MGAT5: variants seen among roughly 807,000 people sequenced by gnomAD.
MGAT5 encodes the protein alpha-1,6-mannosylglycoprotein 6-beta-N-acetylglucosaminyltransferase, also known as alpha-1,6-mannosylglycoprotein 6-beta-N-acetylglucosaminyltransferase A.
MGAT5 carries 30 observed loss-of-function variants against 94.3 expected under a neutral mutation model. The ratio of observed to expected loss-of-function variants is 0.32; its 90% confidence interval spans 0.24 to 0.43. MGAT5 has a LOEUF of 0.43. Ranked by LOEUF, MGAT5 falls within the 20% of genes least tolerant of loss-of-function variation. The probability of loss-of-function intolerance (pLI) is 1.00; values close to 1 mark genes in which losing one functional copy is unlikely to be tolerated. For missense variants in MGAT5, 691 were observed against 905.5 expected, an observed-to-expected ratio of 0.76 and a Z score of 3.04; for synonymous variants, 310 against 322.9, an observed-to-expected ratio of 0.96 and a Z score of 0.43.
chr2:134,129,724 A>G (rs1316976704), intron 1 of MGAT5, among the ~76,000 whole-genome samples: 1 of 149,974 alleles, frequency 6.7e-6, no homozygotes, highest in African/African-American at 2.5e-5. Context: ...TGAGCTGAGT[A>G]CTTTTTTTAC....
At chr2:134,139,879 G>A (rs1034816569) in intron 1 of MGAT5, among the ~76,000 whole-genome samples, 4 of 152,212 alleles carry the variant, frequency 2.6e-5, no homozygotes, top group Non-Finnish European at 5.9e-5. Context: ...TGCTGGTTAT[G>A]CACTTGCTGG....
intron 1 of MGAT5, among the ~76,000 whole-genome samples, chr2:134,237,991 C>A (rs979302579): frequency 6.6e-6 from 1 of 152,052 alleles, no homozygotes; most frequent in East Asian, 1.9e-4. Flanking sequence ...CCTTGTGATC[C>A]GCCCACCTTG....
rs1279507867 is a variant in MGAT5, at chr2:134,268,947, T to C, written c.242-1439T>C. The stretch of plus-strand genomic sequence containing the variant: ...TTCTACCCAGGTTCTTGACTTCTGA[T>C]TGGTCCCATTGAGATGTCAGGGAAT... On this transcript the variant is annotated intron_variant, in intron 1 of 15. Coordinates refer to ENST00000281923, the MANE Select transcript of MGAT5 (RefSeq NM_002410.5). The surrounding 1 kb of genome is among the most constrained non-coding windows in gnomAD (Gnocchi z 4.1). 6.6e-6 allele frequency among the ~76,000 whole-genome samples: 1 copy of C among 152,204 alleles called. No individual in the cohort carries two copies. Among genetic ancestry groups the C allele is most frequent in the Non-Finnish European group, 1.5e-5 (1 of 68,048 alleles).
At chr2:134,351,755 T>G (rs1305495445) in intron 9 of MGAT5, among the ~76,000 whole-genome samples, 1 of 152,104 alleles carries the variant, frequency 6.6e-6, no homozygotes, top group Non-Finnish European at 1.5e-5. Flanking sequence ...AGAACCTGTA[T>G]GGCAAAACAA....
At chr2:134,197,919 C>T (rs1167329806) in intron 1 of MGAT5, among the ~76,000 whole-genome samples, 1 of 152,056 alleles carries the variant, frequency 6.6e-6, no homozygotes, top group African/African-American at 2.4e-5. Flanking sequence ...TTTTTCTACT[C>T]CTGTTCCACT....
intron 10 of MGAT5, among the ~76,000 whole-genome samples, chr2:134,375,416 T>C (rs953459466): frequency 1.3e-5 from 2 of 152,240 alleles, no homozygotes; most frequent in Non-Finnish European, 2.9e-5. Context: ...AAAGGTTCTG[T>C]ACGGTTCTGT....
intron 13 of MGAT5, among the ~76,000 whole-genome samples, chr2:134,428,089 T>C (rs1684685338): frequency 6.6e-6 from 1 of 152,274 alleles, no homozygotes; most frequent in Admixed American, 6.5e-5. Context: ...AAGCACCTTT[T>C]TTCTCCCAGA....
At chr2:134,318,608 G>A in intron 3 of MGAT5, 42 bp from the exon 4 acceptor site, 1 of 1,413,710 alleles carries the variant, frequency 7.1e-7, no homozygotes, top group Non-Finnish European at 1.0e-6. Context: ...AGATGTGGAG[G>A]GCCTGTGAAT....
chr2:134,448,803 G>C lies in MGAT5; in HGVS notation c.2182G>C (p.Asp728His), dbSNP rs751839499. ...PRHQRVCPCR[D>H]FIKGQVALCK... is the part of the protein sequence containing the mutation. ...GCACCAGAGGGTCTGCCCCTGCCGG[G>C]ACTTCATCAAGGGCCAGGTGGCTCT... The change falls in exon 16 of 16, where the codon GAC becomes CAC. Residue 728 changes from aspartate (D) to histidine (H), a missense_variant. Physicochemically the swap from Asp to His is moderately conservative, Grantham distance 81 (BLOSUM62 -1). This residue lies in a region of MGAT5 where 260 missense variants were observed against 347.0 expected (regional missense o/e 0.75). Transcript: ENST00000281923. The C allele has an allele frequency of 2.1e-5, 34 of 1,613,938 alleles. No homozygotes were observed. The highest frequency in any genetic ancestry group is 2.7e-5 in the African/African-American group (2 of 74,932).
At chr2:134,364,500 C>CAAA (rs5834408) in intron 10 of MGAT5, among the ~76,000 whole-genome samples, 1 of 148,920 alleles carries the variant, frequency 6.7e-6, no homozygotes. Flanking sequence ...AACTCTGTCT[C>CAAA]AAAAAAAAAA....
At chr2:134,441,976 TAGTC>T (rs1271451781) in intron 15 of MGAT5, 61 bp downstream of exon 15, 14 of 1,574,478 alleles carry the variant, frequency 8.9e-6, no homozygotes, top group Non-Finnish European at 1.2e-5. Flanking sequence ...CCTTGTTGGG[TAGTC>T]AGGTGAGAGG....
chr2:134,431,091 G>C (rs143198761), intron 14 of MGAT5, among the ~76,000 whole-genome samples: 90 of 152,300 alleles, frequency 5.9e-4, no homozygotes, highest in African/African-American at 1.7e-3. Flanking sequence ...AGGCCTGGAG[G>C]GGGGAGAAAT....
chr2:134,406,710 C>A (rs1683360246), intron 11 of MGAT5, among the ~76,000 whole-genome samples: 1 of 151,514 alleles, frequency 6.6e-6, no homozygotes, highest in Non-Finnish European at 1.5e-5. Context: ...CATGGCAAAA[C>A]CCCATTTCTA....
chr2:134,422,921 T>C lies in MGAT5; in HGVS notation c.1794+2T>C. Reference sequence around the variant, plus strand: ...GTGAAAGCAATTTTAAATCAGAAGGTTGGTTCATTTTATTCCACTTTCCCT... The same window carrying C: ...GTGAAAGCAATTTTAAATCAGAAGGCTGGTTCATTTTATTCCACTTTCCCT... On this transcript the variant is annotated splice_donor_variant, in intron 13 of 15. Transcript: ENST00000281923. LOFTEE classifies it high-confidence loss of function. The C allele has an allele frequency of 6.2e-7, 1 of 1,604,526 alleles. No individual in the cohort carries two copies. Among genetic ancestry groups the C allele is most frequent in the Non-Finnish European group, 8.5e-7 (1 of 1,171,586 alleles).
At chr2:134,319,573 G>A (rs1225395933) in intron 4 of MGAT5, 1 of 178,804 alleles carries the variant, frequency 5.6e-6, no homozygotes, top group Non-Finnish European at 1.2e-5. Flanking sequence ...GGAGTGATGG[G>A]ACAATGGACA....
chr2:134,284,775 C>G (rs1684905323), intron 2 of MGAT5, among the ~76,000 whole-genome samples: 1 of 152,150 alleles, frequency 6.6e-6, no homozygotes, highest in African/African-American at 2.4e-5. Context: ...GGTTCAGATC[C>G]TGGCTGGTGC....
intron 2 of MGAT5, among the ~76,000 whole-genome samples, chr2:134,281,201 C>T (rs1455751723): frequency 1.3e-5 from 2 of 152,184 alleles, no homozygotes; most frequent in Non-Finnish European, 2.9e-5. Context: ...TATTGAGATC[C>T]TGGTCCAACA....
chr2:134,422,737 C>A, intron 12 of MGAT5, 66 bp from the exon 13 acceptor site: 1 of 1,163,072 alleles, frequency 8.6e-7, no homozygotes, highest in Non-Finnish European at 1.3e-6. Flanking sequence ...AAAAGCATAG[C>A]ACTCCATCTA....
intron 8 of MGAT5, among the ~76,000 whole-genome samples, chr2:134,346,199 C>T (rs552273798): frequency 6.6e-6 from 1 of 152,020 alleles, no homozygotes; most frequent in Non-Finnish European, 1.5e-5. Context: ...TATAGGCTTC[C>T]CTTGACTCAC....
Sources: gnomAD v4.1 joint callset for allele counts (sites outside exome capture counted in the v4.1 genomes callset) on GRCh38, gnomAD v4.1.1 for gene constraint, gnomAD v4.1.1 regional missense constraint, Gnocchi (gnomAD v3.1) non-coding constraint, MANE v1.5 for transcripts, NCBI Gene and HGNC (gene_info 2026-07-23, HGNC 2026-07-21) for gene names.